Variants in PHF13 observed in about 807,000 individuals in gnomAD.
The protein encoded by PHF13 is PHD zinc finger protein PHF5.
A neutral mutation model predicts 25.8 loss-of-function variants in PHF13; 1 was observed. The observed-to-expected ratio is 0.04, with a 90% CI of 0.01 to 0.18. The LOEUF (loss-of-function observed/expected upper bound fraction) is 0.18. Ranked by LOEUF, PHF13 falls within the 10% of genes least tolerant of loss-of-function variation. The pLI is 1.00. For synonymous variants in PHF13, 195 were observed against 162.4 expected, an observed-to-expected ratio of 1.20 and a Z score of -1.53; for missense variants, 306 against 403.2, an observed-to-expected ratio of 0.76 and a Z score of 2.06.
intron 3 of PHF13, among the ~76,000 whole-genome samples, chr1:6,620,893 G>A (rs927437137): frequency 3.3e-5 from 5 of 152,008 alleles, no homozygotes; most frequent in East Asian, 3.8e-4. Context: ...TTAGCTGGGC[G>A]TGGTGGTGCG....
intron 1 of PHF13, among the ~76,000 whole-genome samples, 161 bp downstream of exon 1, chr1:6,614,266 GC>G (rs1211283852): frequency 6.8e-6 from 1 of 147,896 alleles, no homozygotes; most frequent in African/African-American, 2.5e-5. Flanking sequence ...CCCTGCTCGG[GC>G]CCGCGCTCGG....
At position 6,614,100 on chromosome 1, in the gene PHF13, C is replaced by T. The variant is rs201429171; in HGVS notation, c.34C>T (p.Pro12Ser). 4.4e-6 allele frequency: 7 copies of T among 1,600,050 alleles called. No homozygotes were observed. Among genetic ancestry groups the T allele is most frequent in the South Asian group, 3.3e-5 (3 of 89,974 alleles). Residue 12 changes from proline to serine, a missense_variant, in exon 1 of 4, where the codon CCG becomes TCG. By Grantham distance (74) the Pro-to-Ser change is moderately conservative. Transcript: ENST00000377648. ...TGACTCTTGCGCCGCCGCCTTCCAC[C>T]CGGAGGTGAGTGAAGCTGTGCGTCC... ...DSDSCAAAFHPEEYSPSCKRR... is the reference protein window; with the variant it reads ...DSDSCAAAFHSEEYSPSCKRR...
At position 6,613,953 on chromosome 1, in the gene PHF13, C is replaced by G. The variant is rs894876935; in HGVS notation, c.-114C>G. The G allele has an allele frequency of 6.1e-6, 4 of 653,056 alleles. No homozygotes were observed. The highest frequency in any genetic ancestry group is 1.0e-5 in the Non-Finnish European group (4 of 393,108). 40.5% of individuals were successfully genotyped at this position (653,056 alleles called of 1,614,324 possible). On this transcript the variant is annotated 5_prime_UTR_variant, in exon 1 of 4. Coordinates refer to ENST00000377648, the MANE Select transcript of PHF13 (RefSeq NM_153812.3). ...CCATCACCTCCAGCCCGGGCGACCCCTCCCGGGTCCGCCCTCGCCCTGCGC... is the reference window on the plus strand; with the variant it reads ...CCATCACCTCCAGCCCGGGCGACCCGTCCCGGGTCCGCCCTCGCCCTGCGC...
Position 6,621,652 on chromosome 1 carries a change from G to A in PHF13, c.*15G>A. ...TCCTGGACTGACTGCTGGCTGGCGA[G>A]GAGGCTGCGAGCGTGGAATCGGAAG... On this transcript the variant is annotated 3_prime_UTR_variant, in exon 4 of 4. Transcript: ENST00000377648. This position sits in a 1 kb window ranked among gnomAD's most constrained non-coding sequence, Gnocchi z 4.8. The A allele has an allele frequency of 6.2e-7, 1 of 1,613,276 alleles. No homozygotes were observed. The highest frequency in any genetic ancestry group is 8.5e-7 in the Non-Finnish European group (1 of 1,179,418).
At position 6,621,980 on chromosome 1, in the gene PHF13, C is replaced by A; in HGVS notation, c.*343C>A. 2.6e-6 allele frequency: 1 copy of A among 381,340 alleles called. No homozygotes were observed. The allele number at this position is 381,340 out of a possible 1,614,324, so 23.6% of individuals were successfully genotyped here. On this transcript the variant is annotated 3_prime_UTR_variant, in exon 4 of 4. Coordinates refer to ENST00000377648, the MANE Select transcript of PHF13 (RefSeq NM_153812.3). The surrounding 1 kb of genome is among the most constrained non-coding windows in gnomAD (Gnocchi z 4.8). The stretch of plus-strand genomic sequence containing the variant: ...AGATTCCCGCTGATTGGGCTCAGTG[C>A]CAGCTGTTATTCTGCTTCCACTGTG...
Position 6,616,856 on chromosome 1 carries a change from G to A in PHF13, c.139G>A (p.Glu47Lys), listed in dbSNP as rs1320329060. ...TGCTGGCTACATCCCTTATCCGAAG[G>A]AGGTAATCTTCTGAGTTTCTGAGAC... is the stretch of plus-strand genomic sequence containing the variant. ...AYAGYIPYPK[E>K]ELPLRSSPSP... is the part of the protein sequence containing the mutation. Residue 47 changes from glutamate to lysine, a missense_variant and splice_region_variant, in exon 2 of 4, where the codon GAG becomes AAG. Physicochemically the swap from Glu to Lys is moderately conservative, Grantham distance 56. Transcript: ENST00000377648. 3 of 1,613,270 alleles carry A rather than the reference G, an allele frequency of 1.9e-6. No homozygotes were observed. Among genetic ancestry groups the A allele is most frequent in the Non-Finnish European group, 1.7e-6 (2 of 1,179,228 alleles).
chr1:6,614,066 C>T lies in PHF13; in HGVS notation c.-1C>T, dbSNP rs1453775891. 1.3e-6 allele frequency: 2 copies of T among 1,595,140 alleles called. No individual in the cohort carries two copies. The highest frequency in any genetic ancestry group is 1.1e-5 in the South Asian group (1 of 89,624). On this transcript the variant is annotated 5_prime_UTR_variant, in exon 1 of 4. Coordinates refer to ENST00000377648, the MANE Select transcript of PHF13 (RefSeq NM_153812.3). Reference sequence around the variant, plus strand: ...AGCCGCCGCCGCCCCCCGCCCGGAACATGGACTCTGACTCTTGCGCCGCCG... The same window carrying T: ...AGCCGCCGCCGCCCCCCGCCCGGAATATGGACTCTGACTCTTGCGCCGCCG...
chr1:6,621,737 G>A lies in PHF13; in HGVS notation c.*100G>A. 1 of 1,208,180 alleles carries A rather than the reference G, an allele frequency of 8.3e-7. No individual in the cohort carries two copies. The highest frequency in any genetic ancestry group is 1.2e-6 in the Non-Finnish European group (1 of 843,806). 74.8% of individuals were successfully genotyped at this position (1,208,180 alleles called of 1,614,324 possible). ...GCACAGAACCCTCAGCTCTGGTGCG[G>A]GCAGATCCCTGCCATTTAGGTGCCT... On this transcript the variant is annotated 3_prime_UTR_variant, in exon 4 of 4. Coordinates refer to ENST00000377648, the MANE Select transcript of PHF13 (RefSeq NM_153812.3). The surrounding 1 kb of genome is among the most constrained non-coding windows in gnomAD (Gnocchi z 4.8).
At chr1:6,618,412 C>T (rs933298329) in intron 2 of PHF13, among the ~76,000 whole-genome samples, 2 of 152,170 alleles carry the variant, frequency 1.3e-5, no homozygotes, top group African/African-American at 4.8e-5. Flanking sequence ...GGATTACAGG[C>T]GTGAGCCACT....
rs1037458155 is a variant in PHF13 at position 6,623,935 on chromosome 1, G to A, written c.*2298G>A. 6.6e-6 allele frequency: 1 copy of A among 152,646 alleles called. No homozygotes were observed. 9.5% of individuals were successfully genotyped at this position (152,646 alleles called of 1,614,324 possible). A position where few individuals can be genotyped will look rare whatever the true frequency, so the allele number is the denominator to read the frequency against. Reference sequence around the variant, plus strand: ...ATTTTAAAGTTTATGTGTATAAAGCGAAGCTGTTTCTGTGAAACTGTATAT... The same window carrying A: ...ATTTTAAAGTTTATGTGTATAAAGCAAAGCTGTTTCTGTGAAACTGTATAT... On this transcript the variant is annotated 3_prime_UTR_variant, in exon 4 of 4. Coordinates refer to ENST00000377648, the MANE Select transcript of PHF13 (RefSeq NM_153812.3).
intron 1 of PHF13, chr1:6,614,383 C>T (rs1225496632): frequency 1.3e-5 from 6 of 444,550 alleles, no homozygotes; most frequent in Non-Finnish European, 2.4e-5. Context: ...CCGGGCCGCC[C>T]CTCTCCGGCC....
chr1:6,621,729 C>G lies in PHF13; in HGVS notation c.*92C>G, dbSNP rs1033313509. 3 of 1,269,342 alleles carry G rather than the reference C, an allele frequency of 2.4e-6. No homozygotes were observed. The highest frequency in any genetic ancestry group is 1.9e-5 in the Admixed American group (1 of 52,578). The allele number at this position is 1,269,342 out of a possible 1,614,324, so 78.6% of individuals were successfully genotyped here. On this transcript the variant is annotated 3_prime_UTR_variant, in exon 4 of 4. Transcript: ENST00000377648. This position sits in a 1 kb window ranked among gnomAD's most constrained non-coding sequence, Gnocchi z 4.8. ...TTAGTTGAGCACAGAACCCTCAGCT[C>G]TGGTGCGGGCAGATCCCTGCCATTT...
At chr1:6,618,082 T>TG (rs1166823738) in intron 2 of PHF13, among the ~76,000 whole-genome samples, 1 of 152,002 alleles carries the variant, frequency 6.6e-6, no homozygotes, top group African/African-American at 2.4e-5. Flanking sequence ...AGAGCGGCTG[T>TG]GGTGCTCAGA....
rs1481950198 is a variant in PHF13 at position 6,614,045 on chromosome 1, G to T, written c.-22G>T. ...TCCCAGCTCCTGCACTCTCGCAGCC[G>T]CCGCCGCCCCCCGCCCGGAACATGG... On this transcript the variant is annotated 5_prime_UTR_variant, in exon 1 of 4. Transcript: ENST00000377648. 1.3e-6 allele frequency: 2 copies of T among 1,581,898 alleles called. No homozygotes were observed. Among genetic ancestry groups the T allele is most frequent in the Admixed American group, 3.4e-5 (2 of 57,992 alleles).
chr1:6,614,855 C>A (rs1208745956), intron 1 of PHF13, among the ~76,000 whole-genome samples: 3 of 151,524 alleles, frequency 2.0e-5, no homozygotes, highest in Non-Finnish European at 3.0e-5. Context: ...TCCCCTCCCC[C>A]CAGCCGAGGC....
intron 1 of PHF13, among the ~76,000 whole-genome samples, chr1:6,615,495 C>G (rs1641247359): frequency 6.6e-6 from 1 of 152,098 alleles, no homozygotes; most frequent in African/African-American, 2.4e-5. Context: ...AAAGAAAACC[C>G]GCGGGCCGCA....
At chr1:6,617,268 T>C (rs959542658) in intron 2 of PHF13, among the ~76,000 whole-genome samples, 1 of 152,116 alleles carries the variant, frequency 6.6e-6, no homozygotes, top group South Asian at 2.1e-4. Flanking sequence ...GTATTTTTGG[T>C]AGAGACAGGG....
At chr1:6,618,596 GT>G (rs1641294317) in intron 2 of PHF13, among the ~76,000 whole-genome samples, 1 of 152,174 alleles carries the variant, frequency 6.6e-6, no homozygotes, top group Admixed American at 6.5e-5. Context: ...GCCAGCATTG[GT>G]TTATTTCCAT....
chr1:6,621,312 G>A lies in PHF13; in HGVS notation c.677-99G>A. ...TCAGCTTCGAGTGGCAGTTGGAAGT[G>A]TTCTCGTCAGTAGAGTTAATGGGTT... On this transcript the variant is annotated intron_variant, in intron 3 of 3. Coordinates refer to ENST00000377648, the MANE Select transcript of PHF13 (RefSeq NM_153812.3). The surrounding 1 kb of genome is among the most constrained non-coding windows in gnomAD (Gnocchi z 4.8). 7.8e-7 allele frequency: 1 copy of A among 1,275,570 alleles called. No homozygotes were observed. Among genetic ancestry groups the A allele is most frequent in the South Asian group, 1.3e-5 (1 of 76,926 alleles). 79.0% of individuals were successfully genotyped at this position (1,275,570 alleles called of 1,614,324 possible). A position where few individuals can be genotyped will look rare whatever the true frequency, so the allele number is the denominator to read the frequency against.
Sources: gnomAD v4.1 joint callset for allele counts (sites outside exome capture counted in the v4.1 genomes callset) on GRCh38, gnomAD v4.1.1 for gene constraint, Gnocchi (gnomAD v3.1) non-coding constraint, MANE v1.5 for transcripts, NCBI Gene and HGNC (gene_info 2026-07-23, HGNC 2026-07-21) for gene names.